The following LRRC4C variants were observed in gnomAD, a reference collection of about 807,000 sequenced individuals.
LRRC4C encodes leucine-rich repeat-containing protein 4C.
A neutral mutation model predicts 33.6 loss-of-function variants in LRRC4C; 5 were observed. That is an observed-to-expected ratio of 0.15 (90% CI 0.08 to 0.31). The LOEUF is 0.31. LRRC4C is among the 10% of genes least tolerant of loss of function. The pLI, the probability that LRRC4C is intolerant of heterozygous loss-of-function variation, is 1.00. For missense variants in LRRC4C, 560 were observed against 796.7 expected, an observed-to-expected ratio of 0.70 and a Z score of 3.58; for synonymous variants, 329 against 302.0, an observed-to-expected ratio of 1.09 and a Z score of -0.93.
chr11:41,228,935 T>C (rs1343228163), intron 1 of LRRC4C, among the ~76,000 whole-genome samples: 1 of 152,090 alleles, frequency 6.6e-6, no homozygotes, highest in Non-Finnish European at 1.5e-5. Flanking sequence ...GGTCATTTTT[T>C]TCTTTTATCT....
intron 2 of LRRC4C, among the ~76,000 whole-genome samples, chr11:40,833,206 G>T (rs143366478): frequency 1.3e-5 from 2 of 152,088 alleles, no homozygotes; most frequent in African/African-American, 4.8e-5. Context: ...ATTTTTCTCT[G>T]ACTTAGCATA....
chr11:40,430,566 T>A (rs1465691015), intron 3 of LRRC4C, among the ~76,000 whole-genome samples: 1 of 152,158 alleles, frequency 6.6e-6, no homozygotes, highest in Non-Finnish European at 1.5e-5. Context: ...CCTAAAGGAA[T>A]AGAAAGCTTT....
At chr11:40,824,720 G>A (rs1019799023) in intron 2 of LRRC4C, among the ~76,000 whole-genome samples, 7 of 152,004 alleles carry the variant, frequency 4.6e-5, no homozygotes, top group East Asian at 1.9e-4. Flanking sequence ...AAATGTCAAC[G>A]TGTCTCCATG....
intron 5 of LRRC4C, among the ~76,000 whole-genome samples, chr11:40,145,823 G>A (rs1328835682): frequency 6.6e-6 from 1 of 152,052 alleles, no homozygotes; most frequent in Non-Finnish European, 1.5e-5. Context: ...ATATTTATCA[G>A]TATAAGGACC....
intron 2 of LRRC4C, among the ~76,000 whole-genome samples, chr11:40,660,808 C>T (rs548922794): frequency 2.6e-5 from 4 of 152,240 alleles, no homozygotes; most frequent in South Asian, 2.1e-4. Flanking sequence ...TATATTCTCA[C>T]CGTGTGAATG....
intron 2 of LRRC4C, among the ~76,000 whole-genome samples, chr11:40,912,596 C>T (rs1029548235): frequency 6.6e-6 from 1 of 152,174 alleles, no homozygotes; most frequent in Non-Finnish European, 1.5e-5. Context: ...AAAACCATGC[C>T]AAATTGTAAA....
At chr11:40,989,208 G>A (rs1436701433) in intron 1 of LRRC4C, among the ~76,000 whole-genome samples, 8 of 152,092 alleles carry the variant, frequency 5.3e-5, no homozygotes, top group Non-Finnish European at 1.2e-4. Context: ...GATATCTTGA[G>A]CCTAGGACAG....
At chr11:40,624,373 G>C (rs1962739611) in intron 3 of LRRC4C, among the ~76,000 whole-genome samples, 1 of 151,990 alleles carries the variant, frequency 6.6e-6, no homozygotes, top group Non-Finnish European at 1.5e-5. Context: ...ATCAGATGAG[G>C]AATAAAGTTA....
At chr11:41,177,562 G>T (rs1430823713) in intron 1 of LRRC4C, among the ~76,000 whole-genome samples, 1 of 152,070 alleles carries the variant, frequency 6.6e-6, no homozygotes, top group Admixed American at 6.6e-5. Flanking sequence ...CTTCAACCCT[G>T]GATGACTATC....
At chr11:41,276,387 T>C (rs1949486702) in intron 1 of LRRC4C, among the ~76,000 whole-genome samples, 1 of 152,172 alleles carries the variant, frequency 6.6e-6, no homozygotes, top group Non-Finnish European at 1.5e-5. Flanking sequence ...GCATAAGCCC[T>C]TGTCTCAAAC....
At chr11:41,176,176 A>G (rs1259926023) in intron 1 of LRRC4C, among the ~76,000 whole-genome samples, 1 of 152,196 alleles carries the variant, frequency 6.6e-6, no homozygotes, top group Non-Finnish European at 1.5e-5. Context: ...CATTAATTAA[A>G]CATTTATTGA....
chr11:40,512,905 C>G (rs74689054), intron 3 of LRRC4C, among the ~76,000 whole-genome samples: 14,302 of 152,144 alleles, frequency 0.094, 800 homozygotes, highest in Middle Eastern at 0.15. Context: ...CTCCTGTGTA[C>G]TAGGGACACC....
chr11:40,810,895 T>C (rs1353953364), intron 2 of LRRC4C, among the ~76,000 whole-genome samples: 1 of 152,164 alleles, frequency 6.6e-6, no homozygotes, highest in African/African-American at 2.4e-5. Context: ...TTTCCAAAAA[T>C]TTATATCCAA....
intron 1 of LRRC4C, among the ~76,000 whole-genome samples, chr11:40,939,701 C>A (rs1342527752): frequency 6.6e-6 from 1 of 152,164 alleles, no homozygotes; most frequent in Non-Finnish European, 1.5e-5. Context: ...TTTGTCCTCA[C>A]TGAGAATGCA....
intron 3 of LRRC4C, among the ~76,000 whole-genome samples, chr11:40,347,514 GTATGGCA>G (rs1310984772): frequency 4.6e-5 from 7 of 152,114 alleles, no homozygotes; most frequent in Non-Finnish European, 1.0e-4. Flanking sequence ...TTGGCTAACT[GTATGGCA>G]TTGTGCCTTC....
chr11:40,518,524 G>A (rs573794621), intron 3 of LRRC4C, among the ~76,000 whole-genome samples: 1 of 152,160 alleles, frequency 6.6e-6, no homozygotes, highest in Non-Finnish European at 1.5e-5. Flanking sequence ...GTAGTCATTA[G>A]AGAAATGCAA....
chr11:40,962,240 G>A (rs1323384327), intron 1 of LRRC4C, among the ~76,000 whole-genome samples: 57 of 151,566 alleles, frequency 3.8e-4, no homozygotes, highest in Non-Finnish European at 5.9e-5. Context: ...TCGAGGAAGG[G>A]ACCATGAATC....
intron 1 of LRRC4C, among the ~76,000 whole-genome samples, chr11:41,432,184 C>G (rs1955261771): frequency 6.6e-6 from 1 of 152,110 alleles, no homozygotes; most frequent in Admixed American, 6.6e-5. Flanking sequence ...AAGTACCTAC[C>G]CATCTATGGG....
chr11:40,824,563 G>A (rs1243536070), intron 2 of LRRC4C, among the ~76,000 whole-genome samples: 1 of 151,702 alleles, frequency 6.6e-6, no homozygotes, highest in Non-Finnish European at 1.5e-5. Context: ...TACCCCAACC[G>A]AGCTCTGTTT....
Sources: gnomAD v4.1 joint callset for allele counts (sites outside exome capture counted in the v4.1 genomes callset) on GRCh38, gnomAD v4.1.1 for gene constraint, MANE v1.5 for transcripts, NCBI Gene and HGNC (gene_info 2026-07-23, HGNC 2026-07-21) for gene names.